The following SLC16A12 variants were observed in gnomAD, a reference collection of about 807,000 sequenced individuals.
SLC16A12 encodes solute carrier family 16 member 12.
In SLC16A12, 17 loss-of-function variants were observed where a neutral mutation model predicts 42.4. That is an observed-to-expected ratio of 0.40 (90% CI 0.27 to 0.60). SLC16A12 has a LOEUF of 0.60. SLC16A12 is among the 20% of genes least tolerant of loss of function. SLC16A12 has a pLI of 0.42. For missense variants in SLC16A12, 544 were observed against 623.0 expected, an observed-to-expected ratio of 0.87 and a Z score of 1.35; for synonymous variants, 224 against 229.4, an observed-to-expected ratio of 0.98 and a Z score of 0.21.
chr10:89,491,509 G>GTT (rs201689489), intron 2 of SLC16A12, among the ~76,000 whole-genome samples: 14 of 146,154 alleles, frequency 9.6e-5, no homozygotes, highest in Non-Finnish European at 1.7e-4. Context: ...CCCTAGAGGA[G>GTT]TTTTTTTTTT....
chr10:89,533,565 T>C (rs1843593503), intron 2 of SLC16A12, among the ~76,000 whole-genome samples: 2 of 152,148 alleles, frequency 1.3e-5, no homozygotes, highest in Admixed American at 1.3e-4. Context: ...TTCAACACTA[T>C]AATTCATGTT....
chr10:89,445,398 G>T (rs1189313248), intron 3 of SLC16A12, among the ~76,000 whole-genome samples: 1 of 152,202 alleles, frequency 6.6e-6, no homozygotes, highest in Non-Finnish European at 1.5e-5. Flanking sequence ...GGATCAGGCA[G>T]CAATATTTGC....
At chr10:89,486,668 G>GAAAGA (rs1564586027) in intron 2 of SLC16A12, among the ~76,000 whole-genome samples, 14 of 58,448 alleles carry the variant, frequency 2.4e-4, no homozygotes, top group East Asian at 4.5e-4. Flanking sequence ...AGAAAGAAAA[G>GAAAGA]AAAGAAAGAA....
intron 2 of SLC16A12, among the ~76,000 whole-genome samples, chr10:89,554,095 A>AAGGAAGGAAGGAAGGAAG (rs1589740914): frequency 4.7e-4 from 12 of 25,578 alleles, no homozygotes; most frequent in Non-Finnish European, 7.3e-4. Context: ...AAAGAAAGAA[A>AAGGAAGGAAGGAAGGAAG]GAAAGAAGGA....
intron 2 of SLC16A12, among the ~76,000 whole-genome samples, chr10:89,487,696 C>A: frequency 6.7e-6 from 1 of 149,176 alleles, no homozygotes. Flanking sequence ...CCTGTAGCCC[C>A]AGCTGCTCAG....
intron 7 of SLC16A12, among the ~76,000 whole-genome samples, chr10:89,433,777 A>G (rs1841732991): frequency 6.6e-6 from 1 of 152,322 alleles, no homozygotes; most frequent in East Asian, 1.9e-4. Flanking sequence ...CACATTTTCA[A>G]CTGGATTCAG....
At position 89,432,717 on chromosome 10, in the gene SLC16A12, C is replaced by T. The variant is rs1369295147; in HGVS notation, c.*347G>A. ...GAACATGAAGGGCCTGAGACTGGAA[C>T]AAAGCTGCTGCCCAGTGTCATCTGC... On this transcript the variant is annotated 3_prime_UTR_variant, in exon 8 of 8. Coordinates refer to ENST00000371790, the MANE Select transcript of SLC16A12 (RefSeq NM_213606.4). 1 of 233,534 alleles carries T rather than the reference C, an allele frequency of 4.3e-6. No individual in the cohort carries two copies. Among genetic ancestry groups the T allele is most frequent in the East Asian group, 1.2e-4 (1 of 8,620 alleles). The allele number at this position is 233,534 out of a possible 1,614,324, so 14.5% of individuals were successfully genotyped here.
intron 3 of SLC16A12, among the ~76,000 whole-genome samples, chr10:89,454,462 G>A (rs947945650): frequency 1.3e-5 from 2 of 152,014 alleles, no homozygotes; most frequent in Admixed American, 6.6e-5. Flanking sequence ...CAATGTTCTA[G>A]AACACCAATC....
At chr10:89,497,750 C>A (rs549074809) in intron 2 of SLC16A12, among the ~76,000 whole-genome samples, 66 of 137,882 alleles carry the variant, frequency 4.8e-4, no homozygotes, top group Middle Eastern at 3.6e-3. Context: ...GAAAAAAAAA[C>A]CCAACATGAT....
intron 2 of SLC16A12, among the ~76,000 whole-genome samples, chr10:89,550,089 T>C (rs1354634037): frequency 6.6e-6 from 1 of 152,180 alleles, no homozygotes; most frequent in Non-Finnish European, 1.5e-5. Flanking sequence ...CACCCCTTTT[T>C]TTCCATCTGC....
In SLC16A12 at chr10:89,441,067, G is replaced by C. The variant is rs766207237; in HGVS notation, c.448+41C>G. 1.9e-6 allele frequency: 3 copies of C among 1,610,718 alleles called. No homozygotes were observed. In the East Asian group the frequency reaches 6.7e-5, roughly 36 times the overall value. ...TCTGTTGATGTGCTTGGAAACCCCTGAATGGAGTGGGGTGAGACAGGTGGT... is the reference window on the plus strand; with the variant it reads ...TCTGTTGATGTGCTTGGAAACCCCTCAATGGAGTGGGGTGAGACAGGTGGT... On this transcript the variant is annotated intron_variant, in intron 5 of 7. Coordinates refer to ENST00000371790, the MANE Select transcript of SLC16A12 (RefSeq NM_213606.4).
At position 89,554,147 on chromosome 10, in the gene SLC16A12, A is replaced by AAGGAAGGAAGGTAG. The variant is rs1363375178; in HGVS notation, c.-47+1734_-47+1735insCTACCTTCCTTCCT. On this transcript the variant is annotated intron_variant, in intron 2 of 2. Coordinates refer to the SLC16A12 transcript ENST00000475682. Reference sequence around the variant, plus strand: ...AGGAAGGAAGGAAGGAAGGAAGGAAAGAAAGAAAGAAAATGGGAAAGTTCT... The same window carrying AAGGAAGGAAGGTAG: ...AGGAAGGAAGGAAGGAAGGAAGGAAAAGGAAGGAAGGTAGGAAAGAAAGAAAATGGGAAAGTTCT... Among the ~76,000 whole-genome samples, 10 of 93,044 alleles carry AAGGAAGGAAGGTAG rather than the reference A, an allele frequency of 1.1e-4. 1 individual carries two copies. The highest frequency in any genetic ancestry group is 5.6e-4 in the African/African-American group (10 of 17,752). 61.0% of individuals were successfully genotyped at this position (93,044 alleles called of 152,430 possible).
At chr10:89,485,210 A>G (rs1260525892) in intron 2 of SLC16A12, among the ~76,000 whole-genome samples, 1 of 152,212 alleles carries the variant, frequency 6.6e-6, no homozygotes, top group Non-Finnish European at 1.5e-5. Flanking sequence ...AGGGTGTGCT[A>G]CTGGCATCTA....
intron 3 of SLC16A12, among the ~76,000 whole-genome samples, chr10:89,445,361 C>G (rs998190944): frequency 6.6e-6 from 1 of 152,188 alleles, no homozygotes; most frequent in Admixed American, 6.5e-5. Flanking sequence ...AGCCAGGTGC[C>G]CCTCTCAGAC....
chr10:89,554,119 G>GGGAGGGAGGGAGGAAGGAAGGAAGGAAA (rs1843792930), intron 2 of SLC16A12, among the ~76,000 whole-genome samples: 1 of 141,404 alleles, frequency 7.1e-6, no homozygotes, highest in African/African-American at 2.7e-5. Context: ...AAGGAAGGAA[G>GGGAGGGAGGGAGGAAGGAAGGAAGGAAA]GAAGGAAGGA....
At chr10:89,448,594 A>G (rs1842041497) in intron 3 of SLC16A12, among the ~76,000 whole-genome samples, 1 of 152,230 alleles carries the variant, frequency 6.6e-6, no homozygotes, top group African/African-American at 2.4e-5. Flanking sequence ...CTAGGTATTG[A>G]TGGAATGTAT....
At chr10:89,505,870 C>G (rs1011851056) in intron 2 of SLC16A12, among the ~76,000 whole-genome samples, 4 of 152,156 alleles carry the variant, frequency 2.6e-5, no homozygotes, top group African/African-American at 9.7e-5. Flanking sequence ...AGTCTGAGAT[C>G]GACTTGGGAT....
At chr10:89,442,258 C>T (rs1366531556) in intron 4 of SLC16A12, among the ~76,000 whole-genome samples, 1 of 152,178 alleles carries the variant, frequency 6.6e-6, no homozygotes, top group Non-Finnish European at 1.5e-5. Flanking sequence ...GACTCTCATC[C>T]ATACTCTGAA....
rs140334680 is a variant in SLC16A12 at position 89,447,574 on chromosome 10, A to G, written c.201-3715T>C. ...TTGAAACCAGTGAGAACAAAGACACAATGTACCAGAATGTCTGGGACACAT... is the reference window on the plus strand; with the variant it reads ...TTGAAACCAGTGAGAACAAAGACACGATGTACCAGAATGTCTGGGACACAT... On this transcript the variant is annotated intron_variant, in intron 3 of 7. Transcript: ENST00000371790. Among the ~76,000 whole-genome samples, 636 of 152,362 alleles carry G rather than the reference A, an allele frequency of 4.2e-3. 4 individuals carry two copies. Among genetic ancestry groups the G allele is most frequent in the Non-Finnish European group, 7.3e-3 (495 of 68,030 alleles).
Sources: allele counts gnomAD v4.1 joint callset (sites outside exome capture counted in the v4.1 genomes callset), GRCh38; gene constraint gnomAD v4.1.1; transcripts MANE v1.5; gene names NCBI Gene and HGNC (gene_info 2026-07-23, HGNC 2026-07-21).